The following CRIPT variants were observed in gnomAD, a reference collection of about 807,000 sequenced individuals.
CRIPT encodes cysteine-rich PDZ-binding protein.
In CRIPT, 20 loss-of-function variants were observed where a neutral mutation model predicts 16.6. The ratio of observed to expected loss-of-function variants is 1.20; its 90% CI spans 0.85 to 1.75. CRIPT has a LOEUF of 1.75. CRIPT is among the 40% of genes most tolerant of loss of function. The probability of loss-of-function intolerance (pLI) is 0.00; values close to 1 mark genes in which losing one functional copy is unlikely to be tolerated. For synonymous variants in CRIPT, 42 were observed against 37.0 expected (o/e 1.14, Z -0.49); for missense variants, 133 against 115.3 (o/e 1.15, Z -0.70).
rs3754551 is a variant in CRIPT, at chr2:46,617,518, C to G, written c.16+220C>G. Reference sequence around the variant, plus strand: ...TGGTCTCAGTTCTGCACCTCCTTGTCTATTTCTGTTGCCTTCCCCCAGCCC... The same window carrying G: ...TGGTCTCAGTTCTGCACCTCCTTGTGTATTTCTGTTGCCTTCCCCCAGCCC... On this transcript the variant is annotated intron_variant, in intron 1 of 4. Transcript: ENST00000238892. 0.043 allele frequency among the ~76,000 whole-genome samples: 6,611 copies of G among 152,214 alleles called. 245 individuals carry two copies. The highest frequency in any genetic ancestry group is 0.19 in the East Asian group (964 of 5,158).
rs1400309862 is a variant in CRIPT at position 46,625,320 on chromosome 2, C to G, written c.*1093C>G. 6.6e-6 allele frequency: 1 copy of G among 150,914 alleles called. No homozygotes were observed. Among genetic ancestry groups the G allele is most frequent in the Non-Finnish European group, 1.5e-5 (1 of 67,832 alleles). 9.3% of individuals were successfully genotyped at this position (150,914 alleles called of 1,614,324 possible). ...TTCTGATCTCAAGCAATCCTCTGGC[C>G]TCAGCCTTCCGAAGTGCTGGGATAC... On this transcript the variant is annotated 3_prime_UTR_variant, in exon 5 of 5. Coordinates refer to ENST00000238892, the MANE Select transcript of CRIPT (RefSeq NM_014171.6).
At chr2:46,620,974 G>A (rs1181460627) in intron 3 of CRIPT, among the ~76,000 whole-genome samples, 17 of 151,706 alleles carry the variant, frequency 1.1e-4, no homozygotes, top group Non-Finnish European at 2.9e-5. Flanking sequence ...AAGTTCTTTG[G>A]ATCTACCTCC....
chr2:46,628,036 A>G lies in CRIPT; in HGVS notation c.*3809A>G, dbSNP rs146374950. 1.2e-4 allele frequency among the ~76,000 whole-genome samples: 18 copies of G among 151,432 alleles called. No individual in the cohort carries two copies. In the East Asian group the frequency reaches 2.9e-3, roughly 24 times the overall value. Reference sequence around the variant, plus strand: ...CTTATAGTATAGTTTAACTCAGGTAATGTGATACCTCAGCTTTGTTTTATT... The same window carrying G: ...CTTATAGTATAGTTTAACTCAGGTAGTGTGATACCTCAGCTTTGTTTTATT... On this transcript the variant is annotated 3_prime_UTR_variant, in exon 5 of 5. Transcript: ENST00000238892.
At chr2:46,620,402 C>T (rs1405037475) in intron 3 of CRIPT, among the ~76,000 whole-genome samples, 3 of 148,756 alleles carry the variant, frequency 2.0e-5, no homozygotes, top group African/African-American at 7.8e-5. Flanking sequence ...GAGCCAGGAT[C>T]GCACTACTGA....
intron 2 of CRIPT, among the ~76,000 whole-genome samples, chr2:46,619,246 A>C (rs1041019066): frequency 2.0e-5 from 3 of 152,148 alleles, no homozygotes; most frequent in Non-Finnish European, 4.4e-5. Flanking sequence ...CTTATGATGA[A>C]GTATTTACCT....
At chr2:46,619,424 A>C (rs1670751179) in intron 2 of CRIPT, among the ~76,000 whole-genome samples, 1 of 152,078 alleles carries the variant, frequency 6.6e-6, no homozygotes, top group Non-Finnish European at 1.5e-5. Flanking sequence ...CTGAGAAATA[A>C]AATGATTGTA....
In CRIPT at chr2:46,629,881, T is replaced by C. The variant is rs1054269161; in HGVS notation, c.*5654T>C. Among the ~76,000 whole-genome samples, 28 of 152,244 alleles carry C rather than the reference T, an allele frequency of 1.8e-4. No individual in the cohort carries two copies. The highest frequency in any genetic ancestry group is 6.8e-4 in the African/African-American group (28 of 41,468). On this transcript the variant is annotated 3_prime_UTR_variant, in exon 5 of 5. Coordinates refer to ENST00000238892, the MANE Select transcript of CRIPT (RefSeq NM_014171.6). The stretch of plus-strand genomic sequence containing the variant: ...TCTACCCCTCCTAGGTTTAGCATCC[T>C]TTGACGATTCTTGTCTGAATAAATT...
At position 46,617,258 on chromosome 2, in the gene CRIPT, G is replaced by A. The variant is rs1215319054; in HGVS notation, c.-25G>A. 2.0e-5 allele frequency: 31 copies of A among 1,554,062 alleles called. No individual in the cohort carries two copies. In the Admixed American group the frequency reaches 4.7e-4, roughly 24 times the overall value. ...GCCTGCTGCTGCTGCTGCTGTTGCG[G>A]CTAGGGGAACCGTCGTGGGGAAGGA... On this transcript the variant is annotated 5_prime_UTR_variant, in exon 1 of 5. Coordinates refer to ENST00000238892, the MANE Select transcript of CRIPT (RefSeq NM_014171.6).
Position 46,629,937 on chromosome 2 carries a change from TTCTAAC to T in CRIPT, c.*5715_*5720del, listed in dbSNP as rs1671030291. Among the ~76,000 whole-genome samples the T allele has an allele frequency of 6.6e-6, 1 of 152,212 alleles. No homozygotes were observed. The highest frequency in any genetic ancestry group is 1.5e-5 in the Non-Finnish European group (1 of 68,044). ...TAGGATGTTTCCAAAATTGTGATTGTTCTAACTCTATTATTATTTCTGTATTAATTA... is the reference window on the plus strand; with the variant it reads ...TAGGATGTTTCCAAAATTGTGATTGTTCTATTATTATTTCTGTATTAATTA... On this transcript the variant is annotated 3_prime_UTR_variant, in exon 5 of 5. Coordinates refer to ENST00000238892, the MANE Select transcript of CRIPT (RefSeq NM_014171.6).
intron 3 of CRIPT, among the ~76,000 whole-genome samples, chr2:46,621,359 C>G (rs1322342936): frequency 2.0e-5 from 3 of 152,180 alleles, no homozygotes; most frequent in Non-Finnish European, 4.4e-5. Flanking sequence ...TTTGTACTTG[C>G]TGCTGTCTCC....
At chr2:46,617,566 C>T (rs1193473477) in intron 1 of CRIPT, among the ~76,000 whole-genome samples, 2 of 152,172 alleles carry the variant, frequency 1.3e-5, no homozygotes, top group Non-Finnish European at 2.9e-5. Context: ...GCTCTCCTCC[C>T]ATATAAAAAT....
In CRIPT at chr2:46,619,815, G is replaced by C. The variant is rs368592324; in HGVS notation, c.137+134G>C. The C allele has an allele frequency of 4.4e-5, 27 of 610,492 alleles. No individual in the cohort carries two copies. In the East Asian group the frequency reaches 6.2e-4, roughly 14 times the overall value. The allele number at this position is 610,492 out of a possible 1,614,324, so 37.8% of individuals were successfully genotyped here. Reference sequence around the variant, plus strand: ...GGTGGTTCCTAGCACTCAGAACCAAGCTATCTGTTATAATCCTGCTGGTTT... The same window carrying C: ...GGTGGTTCCTAGCACTCAGAACCAACCTATCTGTTATAATCCTGCTGGTTT... On this transcript the variant is annotated intron_variant, in intron 3 of 4. Transcript: ENST00000238892.
Position 46,629,219 on chromosome 2 carries a change from A to G in CRIPT, c.*4992A>G, listed in dbSNP as rs1452455321. On this transcript the variant is annotated 3_prime_UTR_variant, in exon 5 of 5. Transcript: ENST00000238892. The stretch of plus-strand genomic sequence containing the variant: ...TACATCCTTATGGCAGCCTTCGAAT[A>G]CCTTTTAACTCCCAGTTCCCTTAAC... Among the ~76,000 whole-genome samples, 1 of 152,138 alleles carries G rather than the reference A, an allele frequency of 6.6e-6. No individual in the cohort carries two copies. The highest frequency in any genetic ancestry group is 1.5e-5 in the Non-Finnish European group (1 of 68,010).
chr2:46,627,733 C>T lies in CRIPT; in HGVS notation c.*3506C>T, dbSNP rs1199602092. Among the ~76,000 whole-genome samples, 1 of 152,204 alleles carries T rather than the reference C, an allele frequency of 6.6e-6. No individual in the cohort carries two copies. Among genetic ancestry groups the T allele is most frequent in the African/African-American group, 2.4e-5 (1 of 41,458 alleles). ...GTGCTGGGATTACAGGCATGAGCCA[C>T]TGCACCCGGCCCCTTATATTTAAAT... On this transcript the variant is annotated 3_prime_UTR_variant, in exon 5 of 5. Coordinates refer to ENST00000238892, the MANE Select transcript of CRIPT (RefSeq NM_014171.6).
Position 46,626,343 on chromosome 2 carries a change from G to A in CRIPT, c.*2116G>A, listed in dbSNP as rs908400691. On this transcript the variant is annotated 3_prime_UTR_variant, in exon 5 of 5. Coordinates refer to ENST00000238892, the MANE Select transcript of CRIPT (RefSeq NM_014171.6). ...TCTTTATCCAGTCCACTATTAATGAGCATCTAGGTTGATTCTGTGTCTTTG... is the reference window on the plus strand; with the variant it reads ...TCTTTATCCAGTCCACTATTAATGAACATCTAGGTTGATTCTGTGTCTTTG... Among the ~76,000 whole-genome samples, 3 of 152,150 alleles carry A rather than the reference G, an allele frequency of 2.0e-5. No homozygotes were observed. Among genetic ancestry groups the A allele is most frequent in the Non-Finnish European group, 2.9e-5 (2 of 68,032 alleles).
chr2:46,620,425 GT>G (rs11289431), intron 3 of CRIPT, among the ~76,000 whole-genome samples: 29,652 of 152,036 alleles, frequency 0.2, 5,111 homozygotes, highest in African/African-American at 0.47. Flanking sequence ...TCCAGCCTGG[GT>G]TGACAGAGTG....
rs762347127 is a variant in CRIPT, at chr2:46,617,262, G to C, written c.-21G>C. The C allele has an allele frequency of 6.4e-7, 1 of 1,554,354 alleles. No individual in the cohort carries two copies. Among genetic ancestry groups the C allele is most frequent in the Non-Finnish European group, 8.7e-7 (1 of 1,147,996 alleles). On this transcript the variant is annotated 5_prime_UTR_variant, in exon 1 of 5. Coordinates refer to ENST00000238892, the MANE Select transcript of CRIPT (RefSeq NM_014171.6). ...GCTGCTGCTGCTGCTGTTGCGGCTA[G>C]GGGAACCGTCGTGGGGAAGGATGGT...
At position 46,628,707 on chromosome 2, in the gene CRIPT, A is replaced by G. The variant is rs148828078; in HGVS notation, c.*4480A>G. On this transcript the variant is annotated 3_prime_UTR_variant, in exon 5 of 5. Transcript: ENST00000238892. ...TTTTGTTGTATTGTACCTCAGAACC[A>G]TCTCCATATTCTCTAAATAATAATA... is the stretch of plus-strand genomic sequence containing the variant. Among the ~76,000 whole-genome samples the G allele has an allele frequency of 1.0e-3, 159 of 152,348 alleles. No homozygotes were observed. The highest frequency in any genetic ancestry group is 3.7e-3 in the African/African-American group (154 of 41,584).
Position 46,628,420 on chromosome 2 carries a change from A to G in CRIPT, c.*4193A>G, listed in dbSNP as rs1251931254. 1.3e-5 allele frequency among the ~76,000 whole-genome samples: 2 copies of G among 152,054 alleles called. No individual in the cohort carries two copies. Among genetic ancestry groups the G allele is most frequent in the African/African-American group, 4.8e-5 (2 of 41,418 alleles). On this transcript the variant is annotated 3_prime_UTR_variant, in exon 5 of 5. Coordinates refer to ENST00000238892, the MANE Select transcript of CRIPT (RefSeq NM_014171.6). ...CCACTGGACCCGGCAGGATTTTTCT[A>G]ATTCTGTGAAAAATGATGTTTGTAG...
Sources: gnomAD v4.1 joint callset for allele counts (sites outside exome capture counted in the v4.1 genomes callset) on GRCh38, gnomAD v4.1.1 for gene constraint, MANE v1.5 for transcripts, NCBI Gene and HGNC (gene_info 2026-07-23, HGNC 2026-07-21) for gene names.